Variants in CFAP54 observed in about 807,000 individuals in gnomAD.
CFAP54 encodes the protein cilia and flagella associated protein 54.
Under a neutral mutation model 370.4 loss-of-function variants are expected in CFAP54, and 290 were observed. That is an observed-to-expected ratio of 0.78 (90% confidence interval 0.71 to 0.86). The LOEUF is 0.86. Among genes scored for constraint, CFAP54 ranks in the 40% least tolerant of loss-of-function variants. The pLI, the probability that CFAP54 is intolerant of heterozygous loss-of-function variation, is 0.00. For missense variants in CFAP54, 3,399 were observed against 3,528.7 expected, an observed-to-expected ratio of 0.96 and a Z score of 0.93; for synonymous variants, 1,206 against 1,236.5, an observed-to-expected ratio of 0.98 and a Z score of 0.52.
intron 26 of CFAP54, among the ~76,000 whole-genome samples, chr12:96,609,941 A>G (rs1401690303): frequency 6.6e-6 from 1 of 152,270 alleles, no homozygotes; most frequent in African/African-American, 2.4e-5. Flanking sequence ...ACTTATTGTC[A>G]CAGAAGTGCA....
intron 9 of CFAP54, among the ~76,000 whole-genome samples, chr12:96,529,985 T>G (rs537907041): frequency 6.6e-6 from 1 of 152,340 alleles, no homozygotes; most frequent in Admixed American, 6.5e-5. Context: ...GGTCTATAAT[T>G]AGAAATTAGA....
chr12:96,729,568 C>T (rs1280643222), intron 50 of CFAP54, among the ~76,000 whole-genome samples: 1 of 152,144 alleles, frequency 6.6e-6, no homozygotes, highest in Non-Finnish European at 1.5e-5. Context: ...GGGAGTGACC[C>T]GATTTTCCAG....
intron 48 of CFAP54, among the ~76,000 whole-genome samples, chr12:96,713,675 G>T (rs1957638893): frequency 6.6e-6 from 1 of 152,178 alleles, no homozygotes; most frequent in Non-Finnish European, 1.5e-5. Context: ...AAGCAGGAAA[G>T]GGGGTTAGGG....
intron 48 of CFAP54, among the ~76,000 whole-genome samples, chr12:96,710,311 G>A (rs956204867): frequency 6.6e-6 from 1 of 152,202 alleles, no homozygotes; most frequent in African/African-American, 2.4e-5. Flanking sequence ...GTCTCAGGAG[G>A]CAGAGGGCAG....
chr12:96,645,071 G>C, intron 33 of CFAP54: 1 of 446,134 alleles, frequency 2.2e-6, no homozygotes. Flanking sequence ...ATATTAGTAG[G>C]CATTAGGCAA....
chr12:96,554,627 G>T, intron 16 of CFAP54, 49 bp from the exon 17 acceptor site: 1 of 1,454,528 alleles, frequency 6.9e-7, no homozygotes, highest in Admixed American at 2.2e-5. Flanking sequence ...CTATTTTTGT[G>T]TGTTTTGATA....
chr12:96,630,741 A>G, intron 32 of CFAP54, 90 bp downstream of exon 32: 1 of 684,962 alleles, frequency 1.5e-6, no homozygotes, highest in Non-Finnish European at 2.2e-6. Context: ...ACACTGGTGG[A>G]CCAGACAGGT....
At chr12:96,848,099 C>T (rs544762655) in intron 66 of CFAP54, among the ~76,000 whole-genome samples, 7 of 152,172 alleles carry the variant, frequency 4.6e-5, no homozygotes, top group African/African-American at 1.2e-4. Context: ...GTTTTTGAGA[C>T]GGTGTCTTGC....
At chr12:96,780,833 T>C (rs891412092) in intron 60 of CFAP54, among the ~76,000 whole-genome samples, 1 of 152,240 alleles carries the variant, frequency 6.6e-6, no homozygotes, top group Admixed American at 6.5e-5. Flanking sequence ...CCAGCAATAG[T>C]AGATGCTAGA....
chr12:96,595,772 C>T, intron 25 of CFAP54, among the ~76,000 whole-genome samples: 1 of 152,038 alleles, frequency 6.6e-6, no homozygotes, highest in East Asian at 1.9e-4. Flanking sequence ...ATGGTTCATC[C>T]AAAACCCAAA....
intron 19 of CFAP54, among the ~76,000 whole-genome samples, chr12:96,565,887 G>A (rs535313481): frequency 1.3e-5 from 2 of 152,318 alleles, no homozygotes; most frequent in Admixed American, 1.3e-4. Context: ...TAATCCCTAT[G>A]TGTTGTGGGA....
At chr12:96,724,052 C>T (rs1054931310) in intron 50 of CFAP54, among the ~76,000 whole-genome samples, 173 of 151,848 alleles carry the variant, frequency 1.1e-3, no homozygotes, top group Non-Finnish European at 1.8e-3. Flanking sequence ...GTATATGTGC[C>T]AGTTTCTTAA....
chr12:96,788,354 T>C (rs1426075425), intron 62 of CFAP54, among the ~76,000 whole-genome samples: 2 of 152,214 alleles, frequency 1.3e-5, no homozygotes, highest in Non-Finnish European at 2.9e-5. Flanking sequence ...AAAACTCAAG[T>C]GGACATAGCA....
At chr12:96,697,085 A>G (rs1375450335) in intron 45 of CFAP54, among the ~76,000 whole-genome samples, 1 of 152,226 alleles carries the variant, frequency 6.6e-6, no homozygotes, top group East Asian at 1.9e-4. Flanking sequence ...TCAAACCTAG[A>G]AAGGGTACCA....
At position 96,594,465 on chromosome 12, in the gene CFAP54, C is replaced by T. The variant is rs1231343272; in HGVS notation, c.3516+19C>T. 2.1e-6 allele frequency: 3 copies of T among 1,441,716 alleles called. No individual in the cohort carries two copies. The highest frequency in any genetic ancestry group is 2.8e-6 in the Non-Finnish European group (3 of 1,085,892). The allele number at this position is 1,441,716 out of a possible 1,614,324, so 89.3% of individuals were successfully genotyped here. Reference sequence around the variant, plus strand: ...TGTACAGGTAAGGGTATTCCTCTCCCCAAGAGAAGGGAATCTTTATAAAGG... The same window carrying T: ...TGTACAGGTAAGGGTATTCCTCTCCTCAAGAGAAGGGAATCTTTATAAAGG... On this transcript the variant is annotated intron_variant, in intron 25 of 67. Transcript: ENST00000524981.
chr12:96,581,083 C>A lies in CFAP54; in HGVS notation c.3053C>A (p.Thr1018Asn). 1 of 1,511,778 alleles carries A rather than the reference C, an allele frequency of 6.6e-7. No individual in the cohort carries two copies. The highest frequency in any genetic ancestry group is 2.2e-5 in the Admixed American group (1 of 46,298). 93.6% of individuals were successfully genotyped at this position (1,511,778 alleles called of 1,614,324 possible). ...ILVYPPLSTI[T>N]ARMFLTQVAY... is the part of the protein sequence containing the mutation. ...GTTTATCCCCCTCTTTCTACTATTA[C>A]TGCTCGGATGTTCCTGACACAGGTA... The change falls in exon 22 of 68, where the codon ACT becomes AAT. Residue 1018 changes from threonine to asparagine, a missense_variant. By Grantham distance (65) the Thr-to-Asn change is moderately conservative (BLOSUM62 0). This residue lies in a region of CFAP54 where 2,796 missense variants were observed against 2,869.7 expected (regional missense o/e 0.97). Transcript: ENST00000524981.
intron 43 of CFAP54, among the ~76,000 whole-genome samples, chr12:96,690,112 ATG>A (rs1276746782): frequency 2.0e-5 from 3 of 152,230 alleles, no homozygotes; most frequent in African/African-American, 7.2e-5. Context: ...TTTAGAAAAT[ATG>A]TGTTTTAACA....
intron 60 of CFAP54, among the ~76,000 whole-genome samples, chr12:96,781,810 A>G (rs548478112): frequency 5.9e-4 from 90 of 152,272 alleles, no homozygotes; most frequent in Non-Finnish European, 1.1e-3. Context: ...AAGTCACTAG[A>G]TATATTTTCT....
chr12:96,691,819 G>T (rs1014482953), intron 44 of CFAP54, among the ~76,000 whole-genome samples: 2 of 151,952 alleles, frequency 1.3e-5, no homozygotes, highest in Non-Finnish European at 2.9e-5. Flanking sequence ...TCCAAGTACA[G>T]CTCTCCTCTC....
Sources: allele counts gnomAD v4.1 joint callset (sites outside exome capture counted in the v4.1 genomes callset), GRCh38; gene constraint gnomAD v4.1.1; regional missense constraint gnomAD v4.1.1; transcripts MANE v1.5; gene names NCBI Gene and HGNC (gene_info 2026-07-23, HGNC 2026-07-21).